Variants in UNC13B observed in about 807,000 individuals in gnomAD.
UNC13B encodes the protein unc-13 homolog B.
In UNC13B, 144 loss-of-function variants were observed where a neutral mutation model predicts 211.0. The observed-to-expected ratio is 0.68, with a 90% CI of 0.60 to 0.78. The LOEUF (loss-of-function observed/expected upper bound fraction) is 0.78. Among genes scored for constraint, UNC13B ranks in the 30% least tolerant of loss-of-function variants. The pLI is 0.00. For synonymous variants in UNC13B, 709 were observed against 725.8 expected (o/e 0.98, Z 0.37); for missense variants, 1,777 against 2,002.0 (o/e 0.89, Z 2.14).
intron 11 of UNC13B, among the ~76,000 whole-genome samples, chr9:35,323,515 T>C (rs1325452240): frequency 6.6e-6 from 1 of 152,210 alleles, no homozygotes; most frequent in Non-Finnish European, 1.5e-5. Context: ...CAGGCCTTAC[T>C]ATTGCTTCAC....
chr9:35,238,188 G>A (rs1207948340), intron 5 of UNC13B, among the ~76,000 whole-genome samples: 1 of 152,110 alleles, frequency 6.6e-6, no homozygotes, highest in East Asian at 1.9e-4. Flanking sequence ...GTATTAAATA[G>A]CACTGATAAA....
chr9:35,199,499 C>A (rs1823152156), intron 1 of UNC13B, among the ~76,000 whole-genome samples: 1 of 152,168 alleles, frequency 6.6e-6, no homozygotes, highest in South Asian at 2.1e-4. Flanking sequence ...TCCTCTCCAG[C>A]ACCTGTTGTT....
At chr9:35,332,334 A>G (rs760825630) in intron 11 of UNC13B, among the ~76,000 whole-genome samples, 5 of 152,162 alleles carry the variant, frequency 3.3e-5, no homozygotes, top group Non-Finnish European at 5.9e-5. Context: ...CTAGTTATCT[A>G]CTAGTTATTT....
At chr9:35,387,274 A>G (rs10511922) in intron 24 of UNC13B, among the ~76,000 whole-genome samples, 4,496 of 152,308 alleles carry the variant, frequency 0.03, 234 homozygotes, top group African/African-American at 0.1. Flanking sequence ...TGGACAACCA[A>G]TGATGGCAGG....
At position 35,378,357 on chromosome 9, in the gene UNC13B, G is replaced by C; in HGVS notation, c.10126G>C (p.Val3376Leu). The C allele has an allele frequency of 1.2e-6, 2 of 1,614,162 alleles. No homozygotes were observed. The highest frequency in any genetic ancestry group is 1.7e-6 in the Non-Finnish European group (2 of 1,180,026). ...KTGSSDPYVT[V>L]QVSKTKKRTK... is the part of the protein sequence containing the mutation. The stretch of plus-strand genomic sequence containing the variant: ...AGGATCCAGTGACCCTTACGTGACT[G>C]TGCAAGTCAGCAAAACTAAGAAGCG... Residue 3376 changes from valine to leucine, a missense_variant, in exon 17 of 40, where the codon GTG becomes CTG. Physicochemically the swap from Val to Leu is conservative, Grantham distance 32. Transcript: ENST00000635942.
At chr9:35,236,416 T>G in intron 3 of UNC13B, 53 bp from the exon 4 acceptor site, 1 of 1,410,732 alleles carries the variant, frequency 7.1e-7, no homozygotes, top group Non-Finnish European at 9.9e-7. Flanking sequence ...GAGATGTAGT[T>G]GTTTCTTTCA....
chr9:35,382,698 G>C (rs151278610), intron 21 of UNC13B, among the ~76,000 whole-genome samples, 191 bp downstream of exon 21: 25 of 151,968 alleles, frequency 1.6e-4, no homozygotes, highest in African/African-American at 5.8e-4. Context: ...GAGTAGCTGG[G>C]ATTACAGGCA....
intron 37 of UNC13B, chr9:35,402,108 C>A: frequency 8.8e-7 from 1 of 1,140,042 alleles, no homozygotes; most frequent in Non-Finnish European, 1.3e-6. Context: ...AACAAGCTGT[C>A]AAGGTTTAGG....
chr9:35,313,118 T>A (rs1830263221), intron 10 of UNC13B, among the ~76,000 whole-genome samples: 3 of 152,212 alleles, frequency 2.0e-5, no homozygotes, highest in African/African-American at 7.2e-5. Context: ...GCATGGTTTC[T>A]ATACTACGTA....
chr9:35,227,008 G>A (rs972399257), intron 1 of UNC13B, among the ~76,000 whole-genome samples: 17 of 152,292 alleles, frequency 1.1e-4, no homozygotes, highest in African/African-American at 2.9e-4. Context: ...TCTTTTTAAG[G>A]TAGCTTTAGC....
At chr9:35,248,871 T>A (rs1357004684) in intron 6 of UNC13B, among the ~76,000 whole-genome samples, 1 of 152,216 alleles carries the variant, frequency 6.6e-6, no homozygotes, top group East Asian at 1.9e-4. Flanking sequence ...GTCTATTAGA[T>A]CTGCTTGGTG....
chr9:35,377,145 A>G (rs1834473701), intron 15 of UNC13B, among the ~76,000 whole-genome samples: 4 of 152,196 alleles, frequency 2.6e-5, no homozygotes, highest in Admixed American at 2.6e-4. Context: ...GCAATTATTC[A>G]TGGAAAATGT....
intron 8 of UNC13B, among the ~76,000 whole-genome samples, chr9:35,298,042 C>T (rs553839344): frequency 4.6e-5 from 7 of 152,242 alleles, no homozygotes; most frequent in South Asian, 2.1e-4. Flanking sequence ...TCCATTGATC[C>T]GTGCCTGAAT....
chr9:35,298,276 T>C (rs1829496432), intron 8 of UNC13B, among the ~76,000 whole-genome samples: 1 of 152,126 alleles, frequency 6.6e-6, no homozygotes, highest in South Asian at 2.1e-4. Context: ...CAAAATTAGC[T>C]GGATGTGGTG....
chr9:35,265,758 G>C (rs1827533654), intron 7 of UNC13B, among the ~76,000 whole-genome samples: 1 of 152,140 alleles, frequency 6.6e-6, no homozygotes, highest in African/African-American at 2.4e-5. Context: ...GCAACATAGT[G>C]AGACCCCCAT....
chr9:35,199,791 G>C (rs1823172715), intron 1 of UNC13B, among the ~76,000 whole-genome samples: 1 of 152,188 alleles, frequency 6.6e-6, no homozygotes, highest in Admixed American at 6.5e-5. Context: ...TCTGTAGGTT[G>C]CCTGTTCACT....
intron 11 of UNC13B, among the ~76,000 whole-genome samples, chr9:35,316,751 A>T (rs1473638672): frequency 6.6e-6 from 1 of 152,206 alleles, no homozygotes; most frequent in Non-Finnish European, 1.5e-5. Flanking sequence ...CTGAATAATT[A>T]GTATGTTGGA....
rs141094623 is a variant in UNC13B, at chr9:35,198,624, C to T, written c.23-29391C>T. ...AACTGGGTAATGGGCAGAGGTTGGA[C>T]GAGTGTGGAGGGCTCAGAAGAAGAT... is the stretch of plus-strand genomic sequence containing the variant. On this transcript the variant is annotated intron_variant, in intron 1 of 39. Transcript: ENST00000635942. Among the ~76,000 whole-genome samples, 495 of 152,018 alleles carry T rather than the reference C, an allele frequency of 3.3e-3. 2 individuals carry two copies. The highest frequency in any genetic ancestry group is 0.011 in the African/African-American group (469 of 41,456).
At chr9:35,217,395 T>G (rs990788265) in intron 1 of UNC13B, among the ~76,000 whole-genome samples, 5 of 150,020 alleles carry the variant, frequency 3.3e-5, no homozygotes, top group African/African-American at 1.3e-4. Flanking sequence ...TTGTTTTTTT[T>G]GTTTTTTTTT....
Sources: gnomAD v4.1 joint callset for allele counts (sites outside exome capture counted in the v4.1 genomes callset) on GRCh38, gnomAD v4.1.1 for gene constraint, MANE v1.5 for transcripts, NCBI Gene and HGNC (gene_info 2026-07-23, HGNC 2026-07-21) for gene names.